The following NRXN1 variants were observed in gnomAD, a reference collection of about 807,000 sequenced individuals.
The protein encoded by NRXN1 is neurexin-1.
NRXN1 carries 39 observed loss-of-function variants against 150.9 expected under a neutral mutation model. That is an observed-to-expected ratio of 0.26 (90% CI 0.20 to 0.34). The LOEUF (loss-of-function observed/expected upper bound fraction) is 0.34, where lower values mean the gene tolerates loss of function less well. Among genes scored for constraint, NRXN1 ranks in the 10% least tolerant of loss-of-function variants. The probability of loss-of-function intolerance (pLI) is 1.00; values close to 1 mark genes in which losing one functional copy is unlikely to be tolerated. For synonymous variants in NRXN1, 924 were observed against 757.0 expected, an observed-to-expected ratio of 1.22 and a Z score of -3.62; for missense variants, 1,815 against 1,949.9, an observed-to-expected ratio of 0.93 and a Z score of 1.30.
Position 50,518,052 on chromosome 2 carries a change from T to C in NRXN1, c.2374+10573A>G, listed in dbSNP as rs115850346. 7.5e-3 allele frequency among the ~76,000 whole-genome samples: 1,138 copies of C among 152,252 alleles called. 8 individuals are homozygous for C. The highest frequency in any genetic ancestry group is 0.012 in the Non-Finnish European group (820 of 67,958). ...AAGCCTCTGTAGTTTTGTCATTGAT[T>C]GTACCCATTTATGACAGACAAGGAT... On this transcript the variant is annotated intron_variant, in intron 12 of 22. Coordinates refer to ENST00000401669, the MANE Select transcript of NRXN1 (RefSeq NM_001330078.2).
chr2:50,778,984 C>T (rs572661335), intron 5 of NRXN1, among the ~76,000 whole-genome samples: 38 of 152,214 alleles, frequency 2.5e-4, no homozygotes, highest in African/African-American at 8.7e-4. Context: ...TATGCCTTGC[C>T]AAGACTATGT....
chr2:50,229,163 C>T (rs1303171480), intron 18 of NRXN1, among the ~76,000 whole-genome samples: 1 of 152,014 alleles, frequency 6.6e-6, no homozygotes, highest in Non-Finnish European at 1.5e-5. Context: ...AATAAACTTG[C>T]CCATGTCTAG....
At chr2:50,295,483 A>C (rs185643306) in intron 17 of NRXN1, among the ~76,000 whole-genome samples, 1 of 152,142 alleles carries the variant, frequency 6.6e-6, no homozygotes, top group East Asian at 1.9e-4. Context: ...CATCTTTAGC[A>C]AAAAAAATCA....
At chr2:50,754,276 C>G (rs1700938277) in intron 5 of NRXN1, among the ~76,000 whole-genome samples, 1 of 151,820 alleles carries the variant, frequency 6.6e-6, no homozygotes, top group Non-Finnish European at 1.5e-5. Context: ...GCTCCTAGTT[C>G]ATGATACATA....
intron 2 of NRXN1, among the ~76,000 whole-genome samples, chr2:50,964,561 C>T (rs907273403): frequency 6.6e-6 from 1 of 151,408 alleles, no homozygotes; most frequent in Non-Finnish European, 1.5e-5. Context: ...ATAACTGTGA[C>T]CACTTTGTCT....
intron 5 of NRXN1, among the ~76,000 whole-genome samples, chr2:50,892,923 T>A (rs1681302089): frequency 6.6e-6 from 1 of 152,122 alleles, no homozygotes; most frequent in Non-Finnish European, 1.5e-5. Context: ...GAGGCCATGC[T>A]CTCTGGGTTT....
chr2:50,564,599 T>C (rs1669587768), intron 8 of NRXN1, among the ~76,000 whole-genome samples: 1 of 152,146 alleles, frequency 6.6e-6, no homozygotes, highest in Non-Finnish European at 1.5e-5. Context: ...ATTGATGGAA[T>C]TATAGCTGGA....
At chr2:50,469,545 T>C (rs1453678978) in intron 16 of NRXN1, among the ~76,000 whole-genome samples, 1 of 151,518 alleles carries the variant, frequency 6.6e-6, no homozygotes, top group African/African-American at 2.4e-5. Flanking sequence ...TTCCATGACA[T>C]AACAATCTTT....
intron 8 of NRXN1, among the ~76,000 whole-genome samples, chr2:50,607,141 T>G (rs993779410): frequency 1.3e-5 from 2 of 152,178 alleles, no homozygotes; most frequent in African/African-American, 4.8e-5. Context: ...AAAATTCTGA[T>G]GTCCTAAAGA....
intron 17 of NRXN1, among the ~76,000 whole-genome samples, chr2:50,385,766 C>T (rs2081291374): frequency 1.3e-5 from 2 of 152,068 alleles, no homozygotes. Context: ...ACAATTTTAT[C>T]AATGGCTTTG....
At position 50,347,620 on chromosome 2, in the gene NRXN1, C is replaced by T; in HGVS notation, c.3365-110650G>A. ...GTCCGCCGCCTCCTGACACTTACGC[C>T]CGGCGAGGGGTTCAGAGGGAAGAGT... On this transcript the variant is annotated intron_variant, in intron 17 of 22. Coordinates refer to ENST00000401669, the MANE Select transcript of NRXN1 (RefSeq NM_001330078.2). The surrounding 1 kb of genome is among the most constrained non-coding windows in gnomAD (Gnocchi z 4.9). 1 of 1,005,794 alleles carries T rather than the reference C, an allele frequency of 9.9e-7. No homozygotes were observed. Among genetic ancestry groups the T allele is most frequent in the Non-Finnish European group, 1.2e-6 (1 of 842,384 alleles). The allele number at this position is 1,005,794 out of a possible 1,614,324, so 62.3% of individuals were successfully genotyped here. A position where few individuals can be genotyped will look rare whatever the true frequency, so the allele number is the denominator to read the frequency against.
intron 17 of NRXN1, among the ~76,000 whole-genome samples, chr2:50,295,861 G>T (rs1218246757): frequency 6.6e-6 from 1 of 152,214 alleles, no homozygotes; most frequent in African/African-American, 2.4e-5. Flanking sequence ...TGCACTGAAA[G>T]ACAATTGGGA....
chr2:50,188,485 A>G (rs1296465817), intron 18 of NRXN1, among the ~76,000 whole-genome samples: 1 of 152,180 alleles, frequency 6.6e-6, no homozygotes, highest in African/African-American at 2.4e-5. Context: ...TAACTAAAAC[A>G]CTAAAAGCAA....
chr2:49,932,729 TTTC>T (rs1407759297), intron 22 of NRXN1, among the ~76,000 whole-genome samples: 21 of 152,218 alleles, frequency 1.4e-4, no homozygotes, highest in African/African-American at 5.1e-4. Context: ...CTATATTTTG[TTTC>T]TTATTTTATG....
At chr2:50,645,283 C>T (rs376467031) in intron 5 of NRXN1, among the ~76,000 whole-genome samples, 1 of 151,590 alleles carries the variant, frequency 6.6e-6, no homozygotes, top group South Asian at 2.1e-4. Context: ...AAGACACATC[C>T]CAGAAAATCA....
At chr2:50,899,755 T>C (rs894754482) in intron 5 of NRXN1, among the ~76,000 whole-genome samples, 5 of 152,204 alleles carry the variant, frequency 3.3e-5, no homozygotes, top group Non-Finnish European at 7.4e-5. Context: ...TTTTCTTTGA[T>C]GTAACCCCAT....
At chr2:50,633,883 G>A (rs1285226295) in intron 5 of NRXN1, among the ~76,000 whole-genome samples, 1 of 152,052 alleles carries the variant, frequency 6.6e-6, no homozygotes, top group Non-Finnish European at 1.5e-5. Flanking sequence ...GTGCAATGAG[G>A]GTGTGCAATA....
At chr2:50,311,767 G>T (rs1286084097) in intron 17 of NRXN1, among the ~76,000 whole-genome samples, 1 of 152,076 alleles carries the variant, frequency 6.6e-6, no homozygotes. Context: ...GAGACTGTTT[G>T]CAGGGATATT....
chr2:50,181,083 A>G (rs1286718240), intron 18 of NRXN1, among the ~76,000 whole-genome samples: 2 of 152,208 alleles, frequency 1.3e-5, no homozygotes, highest in East Asian at 1.9e-4. Flanking sequence ...TTAACCATGA[A>G]AAGAGTTTTA....
Sources: allele counts gnomAD v4.1 joint callset (sites outside exome capture counted in the v4.1 genomes callset), GRCh38; gene constraint gnomAD v4.1.1; non-coding constraint Gnocchi (gnomAD v3.1); transcripts MANE v1.5; gene names NCBI Gene and HGNC (gene_info 2026-07-23, HGNC 2026-07-21).